DNMBP: variants seen among roughly 807,000 people sequenced by gnomAD.
DNMBP encodes the protein dynamin-binding protein.
DNMBP carries 87 observed loss-of-function variants against 150.0 expected under a neutral mutation model. That is an observed-to-expected ratio of 0.58 (90% CI 0.49 to 0.69). DNMBP has a LOEUF of 0.69. Ranked by LOEUF, DNMBP falls within the 30% of genes least tolerant of loss-of-function variation. The probability of loss-of-function intolerance (pLI) is 0.00; values close to 1 mark genes in which losing one functional copy is unlikely to be tolerated. For synonymous variants in DNMBP, 711 were observed against 750.4 expected (o/e 0.95, Z 0.86); for missense variants, 1,774 against 1,949.0 (o/e 0.91, Z 1.69).
At chr10:99,962,623 T>A (rs1029699737) in intron 3 of DNMBP, among the ~76,000 whole-genome samples, 1 of 149,850 alleles carries the variant, frequency 6.7e-6, no homozygotes, top group Non-Finnish European at 1.5e-5. Flanking sequence ...AGAGCGAGAC[T>A]CCGTCTCAAA....
chr10:99,895,600 T>G (rs1443621376), intron 10 of DNMBP, among the ~76,000 whole-genome samples: 1 of 152,218 alleles, frequency 6.6e-6, no homozygotes, highest in Non-Finnish European at 1.5e-5. Flanking sequence ...CAGGCTGCCC[T>G]CTTCACCCCA....
rs10883428 is a variant in DNMBP at position 99,930,622 on chromosome 10, A to G, written c.2261-21476T>C. ...CCCTTGGCCCAGTACCTGGGATCCA[A>G]GTCATTTTCTCTGTAGAGTCCATCC... On this transcript the variant is annotated intron_variant, in intron 4 of 16. Transcript: ENST00000324109. The G allele has an allele frequency of 0.38, 265,881 of 702,500 alleles. 51,166 individuals carry two copies. The highest frequency in any genetic ancestry group is 0.47 in the African/African-American group (27,122 of 57,206). The allele number at this position is 702,500 out of a possible 1,614,324, so 43.5% of individuals were successfully genotyped here. A position where few individuals can be genotyped will look rare whatever the true frequency, so the allele number is the denominator to read the frequency against.
intron 4 of DNMBP, among the ~76,000 whole-genome samples, chr10:99,945,349 C>T (rs1416461421): frequency 6.6e-6 from 1 of 152,066 alleles, no homozygotes; most frequent in Non-Finnish European, 1.5e-5. Context: ...TAAAATGTTA[C>T]AAGGTGACAT....
At chr10:99,943,591 G>A (rs2040326539) in intron 4 of DNMBP, among the ~76,000 whole-genome samples, 2 of 152,018 alleles carry the variant, frequency 1.3e-5, no homozygotes, top group South Asian at 2.1e-4. Context: ...TTTTAGGAAC[G>A]GGGTCTCACC....
intron 9 of DNMBP, among the ~76,000 whole-genome samples, chr10:99,897,629 C>T (rs2039675012): frequency 1.3e-5 from 2 of 152,194 alleles, no homozygotes; most frequent in African/African-American, 4.8e-5. Context: ...ATCGTTACTT[C>T]TGCCTTTAAT....
At chr10:99,908,166 G>C in intron 5 of DNMBP, 72 bp from the exon 6 acceptor site, 2 of 1,100,290 alleles carry the variant, frequency 1.8e-6, no homozygotes, top group Non-Finnish European at 2.7e-6. Context: ...CTTAGGAACA[G>C]CTCTTCAAGA....
chr10:99,879,504 G>A (rs1278690165), intron 16 of DNMBP, among the ~76,000 whole-genome samples: 1 of 152,096 alleles, frequency 6.6e-6, no homozygotes, highest in African/African-American at 2.4e-5. Flanking sequence ...CCAAACAAGT[G>A]GATTAAATGG....
intron 15 of DNMBP, among the ~76,000 whole-genome samples, chr10:99,883,562 G>A (rs1210985692): frequency 7.2e-6 from 1 of 138,802 alleles, no homozygotes; most frequent in Non-Finnish European, 1.5e-5. Flanking sequence ...AGGACAGGAG[G>A]ATCCCTTGAA....
At chr10:99,963,779 C>G (rs2040588384) in intron 3 of DNMBP, among the ~76,000 whole-genome samples, 1 of 149,376 alleles carries the variant, frequency 6.7e-6, no homozygotes, top group Non-Finnish European at 1.5e-5. Context: ...TGACTGCAGT[C>G]CTGGGTTCCT....
At chr10:99,903,486 C>T (rs2039777579) in intron 6 of DNMBP, among the ~76,000 whole-genome samples, 1 of 152,118 alleles carries the variant, frequency 6.6e-6, no homozygotes, top group Non-Finnish European at 1.5e-5. Context: ...GTGTGCCCCA[C>T]CATACCTGGC....
intron 11 of DNMBP, among the ~76,000 whole-genome samples, chr10:99,892,857 G>GC (rs1371944104): frequency 6.6e-6 from 1 of 152,158 alleles, no homozygotes; most frequent in Non-Finnish European, 1.5e-5. Flanking sequence ...GCCATAAAAT[G>GC]CAAGTTTAAA....
At chr10:99,989,674 G>A (rs2040865870) in intron 1 of DNMBP, among the ~76,000 whole-genome samples, 1 of 152,064 alleles carries the variant, frequency 6.6e-6, no homozygotes, top group African/African-American at 2.4e-5. Flanking sequence ...TCGCGCCATC[G>A]CACTCCAGCC....
chr10:99,959,123 G>A (rs1454891802), intron 3 of DNMBP, among the ~76,000 whole-genome samples: 1 of 152,026 alleles, frequency 6.6e-6, no homozygotes, highest in South Asian at 2.1e-4. Context: ...AAATATTTAC[G>A]AACATGTAAA....
At chr10:99,973,220 C>T (rs1773727628) in intron 1 of DNMBP, among the ~76,000 whole-genome samples, 1 of 152,128 alleles carries the variant, frequency 6.6e-6, no homozygotes, top group Admixed American at 6.5e-5. Flanking sequence ...CATGAGCCAC[C>T]GCACCTGGTC....
At chr10:99,904,253 G>A (rs1208376094) in intron 6 of DNMBP, among the ~76,000 whole-genome samples, 4 of 148,310 alleles carry the variant, frequency 2.7e-5, no homozygotes, top group East Asian at 2.0e-4. Flanking sequence ...AGACTGTCTC[G>A]AAAAAAAAAG....
chr10:99,900,138 A>C (rs1279539478), intron 6 of DNMBP, 72 bp from the exon 7 acceptor site: 2 of 1,541,220 alleles, frequency 1.3e-6, no homozygotes, highest in Non-Finnish European at 1.8e-6. Context: ...TAAGGTACAC[A>C]GCCAAACTTT....
intron 4 of DNMBP, among the ~76,000 whole-genome samples, chr10:99,937,111 A>T (rs1035961027): frequency 5.9e-5 from 9 of 152,046 alleles, no homozygotes; most frequent in African/African-American, 2.2e-4. Flanking sequence ...CATGTTGGCC[A>T]GGCTGGTCTT....
chr10:99,995,273 T>C (rs1414574070), intron 1 of DNMBP, among the ~76,000 whole-genome samples: 1 of 152,040 alleles, frequency 6.6e-6, no homozygotes, highest in Non-Finnish European at 1.5e-5. Context: ...GTTGGTCTCT[T>C]CCTGGGCTCA....
intron 4 of DNMBP, among the ~76,000 whole-genome samples, chr10:99,954,816 C>T (rs191935113): frequency 1.0e-4 from 15 of 150,578 alleles, no homozygotes; most frequent in Admixed American, 5.3e-4. Context: ...TTTGGGAGGC[C>T]GAGGCAGGTG....
Sources: gnomAD v4.1 joint callset for allele counts (sites outside exome capture counted in the v4.1 genomes callset) on GRCh38, gnomAD v4.1.1 for gene constraint, MANE v1.5 for transcripts, NCBI Gene and HGNC (gene_info 2026-07-23, HGNC 2026-07-21) for gene names.